The following PLCH1 variants were observed in gnomAD, a reference collection of about 807,000 sequenced individuals.
The protein encoded by PLCH1 is phospholipase C eta 1.
PLCH1 carries 60 observed loss-of-function variants against 126.7 expected under a neutral mutation model. The observed-to-expected ratio is 0.47, with a 90% CI of 0.38 to 0.59. The LOEUF (loss-of-function observed/expected upper bound fraction) is 0.59. Ranked by LOEUF, PLCH1 falls within the 20% of genes least tolerant of loss-of-function variation. The pLI is 0.00. For synonymous variants in PLCH1, 719 were observed against 734.9 expected (o/e 0.98, Z 0.35); for missense variants, 1,723 against 2,040.0 (o/e 0.84, Z 2.99).
At chr3:155,497,568 T>C in intron 14 of PLCH1, 151 bp from the exon 15 acceptor site, 1 of 607,200 alleles carries the variant, frequency 1.6e-6, no homozygotes, top group South Asian at 2.0e-5. Context: ...CCAAGTGTGC[T>C]TCCTAGTTCA....
At chr3:155,456,609 T>C (rs1211791963) in intron 21 of PLCH1, 1 of 152,348 alleles carries the variant, frequency 6.6e-6, no homozygotes, top group African/African-American at 2.4e-5. Context: ...GGAGGTCTAA[T>C]GGGAATCTCA....
Position 155,564,942 on chromosome 3 carries a change from G to A in PLCH1, c.1042C>T (p.Leu348=). ...QSKVDMYARV[L]QEGCRCVEVD... is the part of the protein sequence containing the mutation. ...TCCACACAGCGACAGCCCTCTTGCA[G>A]CACCCGTGCATACATATCCACTTTG... Residue 348 remains leucine (L), a synonymous_variant, in exon 8 of 23, where the codon CTG becomes TTG. Transcript: ENST00000460012. The A allele has an allele frequency of 6.2e-7, 1 of 1,613,790 alleles. No individual in the cohort carries two copies. Among genetic ancestry groups the A allele is most frequent in the Non-Finnish European group, 8.5e-7 (1 of 1,179,750 alleles).
chr3:155,612,935 C>G (rs1484538653), intron 2 of PLCH1, among the ~76,000 whole-genome samples: 3 of 97,718 alleles, frequency 3.1e-5, no homozygotes, highest in African/African-American at 1.5e-4. Context: ...AGAAAAGATC[C>G]AAATAAGCTC....
chr3:155,724,813 T>TTG (rs60805589), intron 1 of PLCH1, among the ~76,000 whole-genome samples: 9,300 of 140,070 alleles, frequency 0.066, 322 homozygotes, highest in Admixed American at 0.1. Flanking sequence ...TTGGGGGGTT[T>TTG]TGTGTGTGTG....
At chr3:155,597,309 T>C (rs1733103079) in intron 2 of PLCH1, among the ~76,000 whole-genome samples, 1 of 152,226 alleles carries the variant, frequency 6.6e-6, no homozygotes, top group African/African-American at 2.4e-5. Context: ...ATTCAACAAC[T>C]GAGATACTCC....
At chr3:155,606,103 GAT>G (rs1276684287) in intron 2 of PLCH1, among the ~76,000 whole-genome samples, 1 of 152,184 alleles carries the variant, frequency 6.6e-6, no homozygotes, top group Non-Finnish European at 1.5e-5. Flanking sequence ...ATTAAAAACA[GAT>G]ATCAAAGCTA....
At chr3:155,452,200 G>A (rs1435787926) in intron 21 of PLCH1, among the ~76,000 whole-genome samples, 1 of 152,124 alleles carries the variant, frequency 6.6e-6, no homozygotes, top group Non-Finnish European at 1.5e-5. Flanking sequence ...CTTCTTACAC[G>A]GTGGCAGCAA....
Position 155,470,583 on chromosome 3 carries a change from A to C in PLCH1, c.2938+14773T>G, listed in dbSNP as rs1428966002. 2.0e-5 allele frequency among the ~76,000 whole-genome samples: 3 copies of C among 152,164 alleles called. No homozygotes were observed. The East Asian group carries it at 5.8e-4, about 29-fold the overall frequency. On this transcript the variant is annotated intron_variant, in intron 21 of 21. Transcript: ENST00000494598. ...TTCAGGAAATACAGAAAACGCCACA[A>C]AGATACTCCTCGAGAAGAGCAACTC...
At chr3:155,497,816 G>A (rs1717274035) in intron 14 of PLCH1, among the ~76,000 whole-genome samples, 1 of 152,144 alleles carries the variant, frequency 6.6e-6, no homozygotes, top group Non-Finnish European at 1.5e-5. Context: ...CCAGGTTCAA[G>A]TGATTCTCCT....
At chr3:155,452,472 G>T (rs1576757411) in intron 21 of PLCH1, among the ~76,000 whole-genome samples, 1 of 152,240 alleles carries the variant, frequency 6.6e-6, no homozygotes, top group South Asian at 2.1e-4. Context: ...AGGAGTAATT[G>T]GTTCTGGGGC....
At chr3:155,577,106 A>C (rs1435596686) in intron 6 of PLCH1, among the ~76,000 whole-genome samples, 1 of 152,088 alleles carries the variant, frequency 6.6e-6, no homozygotes, top group Non-Finnish European at 1.5e-5. Flanking sequence ...ACAGATTATT[A>C]AAAATTAGCT....
At chr3:155,652,856 T>C (rs1022937751) in intron 2 of PLCH1, among the ~76,000 whole-genome samples, 1 of 152,170 alleles carries the variant, frequency 6.6e-6, no homozygotes, top group African/African-American at 2.4e-5. Flanking sequence ...AACATGAACT[T>C]GAAATTGGCT....
In PLCH1 at chr3:155,504,547, A is replaced by T. The variant is rs954116813; in HGVS notation, c.1704+8T>A. 57 of 1,525,682 alleles carry T rather than the reference A, an allele frequency of 3.7e-5. No individual in the cohort carries two copies. Among genetic ancestry groups the T allele is most frequent in the Non-Finnish European group, 4.6e-5 (51 of 1,099,814 alleles). The allele number at this position is 1,525,682 out of a possible 1,614,324, so 94.5% of individuals were successfully genotyped here. On this transcript the variant is annotated splice_region_variant and intron_variant, in intron 13 of 22. Coordinates refer to ENST00000460012, the MANE Select transcript of PLCH1 (RefSeq NM_014996.4). ...GAAGTATGCATAGTTATTACTCTTA[A>T]TTCATACCTTATGTTTTCCAAAGTT...
intron 2 of PLCH1, among the ~76,000 whole-genome samples, chr3:155,647,685 C>A (rs1253323577): frequency 1.3e-5 from 2 of 152,078 alleles, no homozygotes; most frequent in African/African-American, 4.8e-5. Flanking sequence ...TAAAACTTAA[C>A]AAGACTTTTT....
chr3:155,577,233 C>T (rs1176122809), intron 6 of PLCH1, among the ~76,000 whole-genome samples: 2 of 152,040 alleles, frequency 1.3e-5, no homozygotes, highest in East Asian at 3.9e-4. Context: ...GCACTCCAGC[C>T]TGGGTGACAG....
At chr3:155,560,097 GAAAAGC>G (rs1363884280) in intron 8 of PLCH1, among the ~76,000 whole-genome samples, 1 of 152,188 alleles carries the variant, frequency 6.6e-6, no homozygotes, top group East Asian at 1.9e-4. Context: ...TGAAAGAACT[GAAAAGC>G]AAAAGAAATA....
intron 1 of PLCH1, among the ~76,000 whole-genome samples, chr3:155,732,720 A>T (rs555361220): frequency 7.2e-4 from 109 of 152,036 alleles, no homozygotes; most frequent in African/African-American, 2.5e-3. Context: ...TCCACTAAAA[A>T]TACAAAAGTT....
chr3:155,627,551 A>G (rs1203324504), intron 2 of PLCH1, among the ~76,000 whole-genome samples: 1 of 151,692 alleles, frequency 6.6e-6, no homozygotes, highest in Non-Finnish European at 1.5e-5. Context: ...GGAGAATGGC[A>G]TGAATCCGGG....
In PLCH1 at chr3:155,514,371, G is replaced by A. The variant is rs544588400; in HGVS notation, c.1632+352C>T. On this transcript the variant is annotated intron_variant, in intron 12 of 22. Coordinates refer to ENST00000460012, the MANE Select transcript of PLCH1 (RefSeq NM_014996.4). Reference sequence around the variant, plus strand: ...AGCCCTCAGCCCTGAAAAACAGGTGGTAAGTAGCAGGGAAGGCAGACATCT... The same window carrying A: ...AGCCCTCAGCCCTGAAAAACAGGTGATAAGTAGCAGGGAAGGCAGACATCT... Among the ~76,000 whole-genome samples the A allele has an allele frequency of 2.0e-5, 3 of 152,260 alleles. No individual in the cohort carries two copies. In the South Asian group the frequency reaches 6.2e-4, roughly 32 times the overall value.
Sources: gnomAD v4.1 joint callset for allele counts (sites outside exome capture counted in the v4.1 genomes callset) on GRCh38, gnomAD v4.1.1 for gene constraint, MANE v1.5 for transcripts, NCBI Gene and HGNC (gene_info 2026-07-23, HGNC 2026-07-21) for gene names.